Variants in ABR observed in about 807,000 individuals in gnomAD.
The protein encoded by ABR is active breakpoint cluster region-related protein.
ABR carries 35 observed loss-of-function variants against 107.2 expected under a neutral mutation model. The ratio of observed to expected loss-of-function variants is 0.33; its 90% CI spans 0.25 to 0.43. ABR has a LOEUF of 0.43. Among genes scored for constraint, ABR ranks in the 20% least tolerant of loss-of-function variants. The pLI is 1.00. For missense variants in ABR, 815 were observed against 1,115.2 expected (o/e 0.73, Z 3.83); for synonymous variants, 498 against 462.0 (o/e 1.08, Z -1.00).
Position 1,005,212 on chromosome 17 carries a change from C to T in ABR, c.*868G>A. The T allele has an allele frequency of 2.5e-6, 1 of 398,714 alleles. No homozygotes were observed. The allele number at this position is 398,714 out of a possible 1,614,324, so 24.7% of individuals were successfully genotyped here. A position where few individuals can be genotyped will look rare whatever the true frequency, so the allele number is the denominator to read the frequency against. On this transcript the variant is annotated 3_prime_UTR_variant, in exon 23 of 23. Coordinates refer to ENST00000302538, the MANE Select transcript of ABR (RefSeq NM_021962.5). ...ATAGCAGGTCACCTGTGAGTCTTTA[C>T]ACTCAAAGGAAATAGAACAGCAGGG...
intron 16 of ABR, among the ~76,000 whole-genome samples, chr17:1,044,200 G>GT (rs1031835844): frequency 1.3e-4 from 4 of 31,186 alleles, no homozygotes; most frequent in African/African-American, 2.3e-4. Flanking sequence ...AGCCGGTGGA[G>GT]GGGGGGCTCC....
chr17:1,101,458 T>TTTCCTCCCTCTC (rs1221645451), intron 2 of ABR, among the ~76,000 whole-genome samples: 46 of 152,196 alleles, frequency 3.0e-4, no homozygotes, highest in Non-Finnish European at 5.9e-5. Flanking sequence ...CGAACCGACT[T>TTTCCTCCCTCTC]TTCCTCCCTC....
upstream of ABR, among the ~76,000 whole-genome samples, chr17:1,190,476 T>C (rs2042408208): frequency 6.6e-6 from 1 of 151,896 alleles, no homozygotes; most frequent in Admixed American, 6.6e-5. Flanking sequence ...TCTACTAAAA[T>C]TACAAAAATT....
chr17:1,092,598 C>G lies in ABR; in HGVS notation c.346-748G>C, dbSNP rs2037107700. Among the ~76,000 whole-genome samples, 3 of 152,288 alleles carry G rather than the reference C, an allele frequency of 2.0e-5. No homozygotes were observed. In the South Asian group the frequency reaches 6.2e-4, roughly 32 times the overall value. ...GGCCGGGAGCTGATGCCATCACCTT[C>G]CAGCCTAGCAGTGGGACCGTGGGAT... On this transcript the variant is annotated intron_variant, in intron 3 of 22. Transcript: ENST00000302538. The surrounding 1 kb of genome is among the most constrained non-coding windows in gnomAD (Gnocchi z 4.6).
In ABR at chr17:1,079,257, C is replaced by T. The variant is rs564545983; in HGVS notation, c.700+73G>A. On this transcript the variant is annotated intron_variant, in intron 6 of 22. Coordinates refer to ENST00000302538, the MANE Select transcript of ABR (RefSeq NM_021962.5). Reference sequence around the variant, plus strand: ...CGCACACACAAGGGGAAGGGCGCCGCGTTCACGCAGCCTGTTGCCTGCACA... The same window carrying T: ...CGCACACACAAGGGGAAGGGCGCCGTGTTCACGCAGCCTGTTGCCTGCACA... 361 of 1,561,636 alleles carry T rather than the reference C, an allele frequency of 2.3e-4. 5 individuals carry two copies. The East Asian group carries it at 7.1e-3, about 31-fold the overall frequency.
At chr17:1,142,849 G>A (rs1365443884) in intron 1 of ABR, among the ~76,000 whole-genome samples, 1 of 152,172 alleles carries the variant, frequency 6.6e-6, no homozygotes, top group African/African-American at 2.4e-5. Flanking sequence ...AGCAGCCACT[G>A]GGAGCACAGA....
At chr17:1,187,759 T>A (rs772919531), upstream of ABR, among the ~76,000 whole-genome samples, 4 of 151,376 alleles carry the variant, frequency 2.6e-5, no homozygotes, top group African/African-American at 7.3e-5. Flanking sequence ...CCGGGCATGG[T>A]GGTGGGTGCC....
intron 1 of ABR, among the ~76,000 whole-genome samples, chr17:1,171,882 A>T (rs1246368476): frequency 6.6e-6 from 1 of 152,174 alleles, no homozygotes; most frequent in Non-Finnish European, 1.5e-5. Context: ...GTGAGCCGAG[A>T]TCGCACCACT....
At chr17:1,079,140 C>A in intron 6 of ABR, 190 bp downstream of exon 6, 3 of 1,437,114 alleles carry the variant, frequency 2.1e-6, no homozygotes, top group Non-Finnish European at 2.7e-6. Context: ...TGCCTGGGCA[C>A]GAGGCTAGAG....
At chr17:1,062,874 C>G (rs2034188556) in intron 10 of ABR, among the ~76,000 whole-genome samples, 1 of 137,276 alleles carries the variant, frequency 7.3e-6, no homozygotes, top group Admixed American at 7.4e-5. Context: ...CCTCTAGACA[C>G]TGTTATGTGA....
At chr17:1,190,118 CAATT>C (rs1274353205), upstream of ABR, among the ~76,000 whole-genome samples, 2 of 152,160 alleles carry the variant, frequency 1.3e-5, no homozygotes, top group African/African-American at 4.8e-5. Context: ...ATTGCTGTTC[CAATT>C]AATTCTCTAA....
intron 3 of ABR, among the ~76,000 whole-genome samples, chr17:1,095,203 C>T (rs1326062746): frequency 6.6e-6 from 1 of 152,200 alleles, no homozygotes; most frequent in Non-Finnish European, 1.5e-5. Context: ...GCGACGCGCT[C>T]ATCTGCCACC....
At chr17:1,033,451 A>G (rs539093300) in intron 16 of ABR, among the ~76,000 whole-genome samples, 3 of 152,330 alleles carry the variant, frequency 2.0e-5, no homozygotes, top group African/African-American at 7.2e-5. Context: ...CAAGGCCAGG[A>G]CAAGCTGGAA....
intron 1 of ABR, among the ~76,000 whole-genome samples, chr17:1,224,294 G>C (rs1288355702): frequency 6.6e-6 from 1 of 152,154 alleles, no homozygotes; most frequent in East Asian, 1.9e-4. Context: ...GATACTAAGC[G>C]AATTGGCAGA....
At chr17:1,187,579 CAAAACCTT>C (rs2042335085), upstream of ABR, among the ~76,000 whole-genome samples, 1 of 152,210 alleles carries the variant, frequency 6.6e-6, no homozygotes, top group Non-Finnish European at 1.5e-5. Flanking sequence ...TCCCGCCGGA[CAAAACCTT>C]CACTAAAATA....
At chr17:1,184,667 C>CT (rs35617329), upstream of ABR, among the ~76,000 whole-genome samples, 93,753 of 145,686 alleles carry the variant, frequency 0.64, 31,404 homozygotes, top group Middle Eastern at 0.8. Context: ...TTATTGAGTG[C>CT]TTTTTTTTTT....
chr17:1,111,501 A>G (rs2258350), intron 2 of ABR, among the ~76,000 whole-genome samples: 87,710 of 151,858 alleles, frequency 0.58, 25,593 homozygotes, highest in South Asian at 0.64. Flanking sequence ...TCCACACTCC[A>G]TCTGCCTCGG....
At chr17:1,122,400 TAA>T (rs1356440960) in intron 2 of ABR, among the ~76,000 whole-genome samples, 1 of 152,128 alleles carries the variant, frequency 6.6e-6, no homozygotes, top group Non-Finnish European at 1.5e-5. Context: ...GTGGACTGAG[TAA>T]AAAGACTCCT....
At chr17:1,114,244 T>G (rs1597862965) in intron 2 of ABR, among the ~76,000 whole-genome samples, 1 of 138,020 alleles carries the variant, frequency 7.2e-6, no homozygotes, top group Admixed American at 7.4e-5. Context: ...CCGAGGCAGG[T>G]AGATCACTTG....
Sources: allele counts gnomAD v4.1 joint callset (sites outside exome capture counted in the v4.1 genomes callset), GRCh38; gene constraint gnomAD v4.1.1; non-coding constraint Gnocchi (gnomAD v3.1); transcripts MANE v1.5; gene names NCBI Gene and HGNC (gene_info 2026-07-23, HGNC 2026-07-21).